The following CDKAL1 variants were observed in gnomAD, a reference collection of about 807,000 sequenced individuals.
CDKAL1 encodes the protein CDKAL1 threonylcarbamoyladenosine tRNA methylthiotransferase.
Under a neutral mutation model 68.2 loss-of-function variants are expected in CDKAL1, and 32 were observed. That is an observed-to-expected ratio of 0.47 (90% confidence interval 0.35 to 0.63). The LOEUF (loss-of-function observed/expected upper bound fraction) is 0.63. Among genes scored for constraint, CDKAL1 ranks in the 30% least tolerant of loss-of-function variants. The pLI is 0.00. For missense variants in CDKAL1, 606 were observed against 696.7 expected, an observed-to-expected ratio of 0.87 and a Z score of 1.47; for synonymous variants, 234 against 244.3, an observed-to-expected ratio of 0.96 and a Z score of 0.39.
At chr6:20,891,588 G>A (rs1761404883) in intron 9 of CDKAL1, among the ~76,000 whole-genome samples, 1 of 144,508 alleles carries the variant, frequency 6.9e-6, no homozygotes, top group Non-Finnish European at 1.5e-5. Flanking sequence ...AGGCTGGAGT[G>A]TAGTGGCGCA....
At chr6:20,894,905 A>G (rs1761597224) in intron 9 of CDKAL1, among the ~76,000 whole-genome samples, 1 of 152,036 alleles carries the variant, frequency 6.6e-6, no homozygotes, top group South Asian at 2.1e-4. Context: ...AGAATAAACA[A>G]TCTTAGTTTT....
chr6:20,782,402 C>T (rs986951699), intron 8 of CDKAL1, among the ~76,000 whole-genome samples: 2 of 152,186 alleles, frequency 1.3e-5, no homozygotes, highest in African/African-American at 2.4e-5. Flanking sequence ...GTACAGTTGT[C>T]GCTTGACTGG....
At chr6:20,816,848 T>C (rs1322587256) in intron 8 of CDKAL1, among the ~76,000 whole-genome samples, 2 of 152,152 alleles carry the variant, frequency 1.3e-5, no homozygotes, top group East Asian at 3.8e-4. Context: ...GTTTTATTTT[T>C]GTTATCTCAA....
At chr6:20,649,962 C>A (rs1452871224) in intron 5 of CDKAL1, among the ~76,000 whole-genome samples, 1 of 152,188 alleles carries the variant, frequency 6.6e-6, no homozygotes, top group African/African-American at 2.4e-5. Context: ...TTTAGTCTGT[C>A]ATTGATGGGA....
rs1017541462 is a variant in CDKAL1 at position 20,621,987 on chromosome 6, A to G, written c.287-27306A>G. ...CCCAGTGTCAGGGAAAAATGTGTAT[A>G]TACTAATCTTTAGATATAATACATA... On this transcript the variant is annotated intron_variant, in intron 4 of 15. Transcript: ENST00000274695. Among the ~76,000 whole-genome samples the G allele has an allele frequency of 2.4e-4, 37 of 152,074 alleles. 1 individual carries two copies. The highest frequency in any genetic ancestry group is 8.9e-4 in the African/African-American group (37 of 41,428).
At chr6:20,727,509 TGG>T (rs1772710255) in intron 5 of CDKAL1, among the ~76,000 whole-genome samples, 1 of 152,080 alleles carries the variant, frequency 6.6e-6, no homozygotes, top group Non-Finnish European at 1.5e-5. Flanking sequence ...GGGTAAGTTG[TGG>T]GAAAGGGACT....
chr6:20,761,877 A>G (rs1401103934), intron 7 of CDKAL1, among the ~76,000 whole-genome samples: 5 of 152,174 alleles, frequency 3.3e-5, no homozygotes, highest in Admixed American at 1.3e-4. Flanking sequence ...AATCCTTAGA[A>G]TGAACAACAC....
chr6:21,153,251 T>G (rs1383070303), intron 13 of CDKAL1, among the ~76,000 whole-genome samples: 1 of 149,788 alleles, frequency 6.7e-6, no homozygotes, highest in Non-Finnish European at 1.5e-5. Context: ...TTTTTTTTTT[T>G]TTTTTTTAAT....
chr6:20,650,331 T>C (rs1768697976), intron 5 of CDKAL1, among the ~76,000 whole-genome samples: 1 of 152,234 alleles, frequency 6.6e-6, no homozygotes, highest in Admixed American at 6.5e-5. Context: ...TGAACTTTTT[T>C]TCATATGTTT....
chr6:21,107,403 C>G (rs919059131), intron 12 of CDKAL1, among the ~76,000 whole-genome samples: 3 of 151,970 alleles, frequency 2.0e-5, no homozygotes, highest in Non-Finnish European at 4.4e-5. Flanking sequence ...AAAGAGCGTT[C>G]TCTTTCTTTT....
intron 12 of CDKAL1, among the ~76,000 whole-genome samples, chr6:21,099,403 A>G (rs963054042): frequency 3.9e-5 from 6 of 152,168 alleles, no homozygotes; most frequent in African/African-American, 1.4e-4. Context: ...TAATTTTTAC[A>G]TGCCACAAAT....
At chr6:20,687,854 A>T (rs1400261456) in intron 5 of CDKAL1, among the ~76,000 whole-genome samples, 2 of 151,674 alleles carry the variant, frequency 1.3e-5, no homozygotes, top group Non-Finnish European at 2.9e-5. Context: ...TTTCTGACCT[A>T]CATCATTTTT....
intron 4 of CDKAL1, among the ~76,000 whole-genome samples, chr6:20,574,597 G>T (rs921435575): frequency 3.3e-5 from 5 of 152,114 alleles, no homozygotes; most frequent in Non-Finnish European, 5.9e-5. Context: ...TGACAATCAT[G>T]ACCTACATTA....
At chr6:21,187,771 G>A (rs1399831907) in intron 13 of CDKAL1, among the ~76,000 whole-genome samples, 1 of 151,652 alleles carries the variant, frequency 6.6e-6, no homozygotes, top group Non-Finnish European at 1.5e-5. Flanking sequence ...TTTAAATTTG[G>A]CTTACTTTTT....
At chr6:20,585,262 C>T (rs1246137394) in intron 4 of CDKAL1, among the ~76,000 whole-genome samples, 2 of 152,008 alleles carry the variant, frequency 1.3e-5, no homozygotes, top group African/African-American at 4.8e-5. Flanking sequence ...CCGTGTTAGC[C>T]AGGATGGTCT....
chr6:21,182,426 C>T (rs1053538317), intron 13 of CDKAL1, among the ~76,000 whole-genome samples: 1 of 152,178 alleles, frequency 6.6e-6, no homozygotes, highest in Non-Finnish European at 1.5e-5. Flanking sequence ...AAAATCTCTA[C>T]TCGTGGAATT....
chr6:20,945,110 A>G (rs1214454903), intron 9 of CDKAL1, among the ~76,000 whole-genome samples: 3 of 149,286 alleles, frequency 2.0e-5, no homozygotes, highest in South Asian at 2.2e-4. Flanking sequence ...TTTTTACTTA[A>G]GAATGTAACT....
chr6:21,107,205 C>T (rs1773893178), intron 12 of CDKAL1, among the ~76,000 whole-genome samples: 1 of 152,054 alleles, frequency 6.6e-6, no homozygotes, highest in Non-Finnish European at 1.5e-5. Flanking sequence ...CTTCGGCCTC[C>T]CAGAGTGCTG....
chr6:20,607,200 C>T (rs1214193570), intron 4 of CDKAL1, among the ~76,000 whole-genome samples: 1 of 152,116 alleles, frequency 6.6e-6, no homozygotes, highest in Non-Finnish European at 1.5e-5. Context: ...CTTCTGGTCA[C>T]CAAATTAACA....
Sources: allele counts gnomAD v4.1 joint callset (sites outside exome capture counted in the v4.1 genomes callset), GRCh38; gene constraint gnomAD v4.1.1; transcripts MANE v1.5; gene names NCBI Gene and HGNC (gene_info 2026-07-23, HGNC 2026-07-21).